The following KCNIP4 variants were observed in gnomAD, a reference collection of about 807,000 sequenced individuals.
The protein encoded by KCNIP4 is Kv channel-interacting protein 4.
Under a neutral mutation model 34.0 loss-of-function variants are expected in KCNIP4, and 12 were observed. The ratio of observed to expected loss-of-function variants is 0.35; its 90% confidence interval spans 0.23 to 0.57. KCNIP4 has a LOEUF of 0.57. Ranked by LOEUF, KCNIP4 falls within the 20% of genes least tolerant of loss-of-function variation. The probability of loss-of-function intolerance (pLI) is 0.83; values close to 1 mark genes in which losing one functional copy is unlikely to be tolerated. For missense variants in KCNIP4, 238 were observed against 311.7 expected, an observed-to-expected ratio of 0.76 and a Z score of 1.78; for synonymous variants, 124 against 102.2, an observed-to-expected ratio of 1.21 and a Z score of -1.29.
At chr4:21,342,929 G>A (rs1716905650) in intron 1 of KCNIP4, among the ~76,000 whole-genome samples, 1 of 152,038 alleles carries the variant, frequency 6.6e-6, no homozygotes, top group South Asian at 2.1e-4. Context: ...TAGAGCTAAG[G>A]AGCCCTAGGT....
At chr4:21,570,729 T>C (rs551063505) in intron 1 of KCNIP4, among the ~76,000 whole-genome samples, 26 of 152,178 alleles carry the variant, frequency 1.7e-4, no homozygotes, top group Admixed American at 3.9e-4. Context: ...TAGTCAAAGT[T>C]ATTATTTTAT....
intron 1 of KCNIP4, among the ~76,000 whole-genome samples, chr4:21,927,183 AT>A (rs1412112014): frequency 2.0e-5 from 3 of 152,156 alleles, no homozygotes; most frequent in East Asian, 3.9e-4. Flanking sequence ...GTAGGAAAGG[AT>A]TTTTACCTAT....
At chr4:21,387,330 G>T (rs1056746162) in intron 1 of KCNIP4, among the ~76,000 whole-genome samples, 1 of 152,060 alleles carries the variant, frequency 6.6e-6, no homozygotes, top group Admixed American at 6.6e-5. Flanking sequence ...ATTTTCATTT[G>T]GTTCAATAAG....
At chr4:21,757,689 T>C (rs1349512162) in intron 1 of KCNIP4, among the ~76,000 whole-genome samples, 1 of 152,240 alleles carries the variant, frequency 6.6e-6, no homozygotes, top group Non-Finnish European at 1.5e-5. Flanking sequence ...CTTCCTTTTT[T>C]GCCCTTGTAA....
chr4:21,303,074 A>G (rs1211042489), intron 1 of KCNIP4, among the ~76,000 whole-genome samples: 4 of 152,228 alleles, frequency 2.6e-5, no homozygotes, highest in Non-Finnish European at 5.9e-5. Context: ...AAATTTACTC[A>G]GATTCCCAGA....
intron 1 of KCNIP4, among the ~76,000 whole-genome samples, chr4:21,522,275 T>A (rs1294476378): frequency 6.6e-6 from 1 of 152,326 alleles, no homozygotes; most frequent in East Asian, 1.9e-4. Context: ...AACCTCTTTA[T>A]GAGAGCTTTC....
chr4:21,106,790 A>G (rs1368946989), intron 1 of KCNIP4, among the ~76,000 whole-genome samples: 1 of 151,090 alleles, frequency 6.6e-6, no homozygotes, highest in Non-Finnish European at 1.5e-5. Flanking sequence ...AGATTCTGGT[A>G]TGTTGTGTCT....
chr4:20,978,274 A>C (rs1157925666), intron 1 of KCNIP4, among the ~76,000 whole-genome samples: 13 of 152,208 alleles, frequency 8.5e-5, no homozygotes, highest in Non-Finnish European at 1.9e-4. Flanking sequence ...CAAAAATCTT[A>C]ATCAATGAAT....
chr4:21,737,541 G>A lies in KCNIP4; in HGVS notation c.61+211030C>T, dbSNP rs932123138. Among the ~76,000 whole-genome samples the A allele has an allele frequency of 5.3e-5, 8 of 151,942 alleles. 1 individual carries two copies. In the South Asian group the frequency reaches 1.7e-3, roughly 32 times the overall value. ...CTAAAATATAACATCATTTATTAAC[G>A]GCTACACAGCTGTCATGTGGTCAAA... On this transcript the variant is annotated intron_variant, in intron 1 of 8. Transcript: ENST00000382152.
chr4:21,122,033 T>C (rs1750204413), intron 1 of KCNIP4, among the ~76,000 whole-genome samples: 1 of 152,158 alleles, frequency 6.6e-6, no homozygotes, highest in African/African-American at 2.4e-5. Context: ...TCATAAAGAG[T>C]TCATTTTTGG....
chr4:20,983,163 TTA>T (rs1203340400), intron 1 of KCNIP4, among the ~76,000 whole-genome samples: 4 of 152,148 alleles, frequency 2.6e-5, no homozygotes, highest in African/African-American at 9.7e-5. Flanking sequence ...AGAGTAAAAT[TTA>T]TGTTAGATGG....
intron 1 of KCNIP4, among the ~76,000 whole-genome samples, chr4:21,042,558 A>G (rs1267328734): frequency 1.3e-5 from 2 of 152,158 alleles, no homozygotes; most frequent in African/African-American, 4.8e-5. Context: ...GATAGTAGGC[A>G]CTTGGTCAAT....
At chr4:21,084,035 C>T (rs548466556) in intron 1 of KCNIP4, among the ~76,000 whole-genome samples, 1 of 151,914 alleles carries the variant, frequency 6.6e-6, no homozygotes, top group African/African-American at 2.4e-5. Flanking sequence ...GAGATATAGC[C>T]TACATTGAAT....
intron 1 of KCNIP4, among the ~76,000 whole-genome samples, chr4:21,677,830 ACCT>A (rs1414254231): frequency 1.3e-5 from 2 of 151,904 alleles, no homozygotes; most frequent in Admixed American, 1.3e-4. Flanking sequence ...GCTCACTGCA[ACCT>A]CCTCCTCCTG....
At chr4:21,879,587 T>A (rs1172279499) in intron 1 of KCNIP4, among the ~76,000 whole-genome samples, 3 of 152,210 alleles carry the variant, frequency 2.0e-5, no homozygotes, top group Non-Finnish European at 4.4e-5. Context: ...TTGCATATTG[T>A]AAAGATGTAG....
intron 1 of KCNIP4, among the ~76,000 whole-genome samples, chr4:21,944,409 G>A (rs1407790767): frequency 6.6e-6 from 1 of 151,614 alleles, no homozygotes; most frequent in Non-Finnish European, 1.5e-5. Context: ...AAAAAAATTA[G>A]TCGGGCATGG....
intron 1 of KCNIP4, among the ~76,000 whole-genome samples, chr4:21,190,211 C>G (rs1459083173): frequency 6.6e-6 from 1 of 152,136 alleles, no homozygotes; most frequent in African/African-American, 2.4e-5. Flanking sequence ...GTATAATCTA[C>G]TAAACAATCT....
At chr4:20,762,338 G>T (rs1435756043) in intron 3 of KCNIP4, among the ~76,000 whole-genome samples, 1 of 152,136 alleles carries the variant, frequency 6.6e-6, no homozygotes, top group Non-Finnish European at 1.5e-5. Flanking sequence ...TGGGGGTTAG[G>T]ATTTCAACAT....
chr4:21,400,565 C>T (rs886254020), intron 1 of KCNIP4, among the ~76,000 whole-genome samples: 4 of 69,624 alleles, frequency 5.7e-5, no homozygotes, highest in African/African-American at 1.9e-4. Flanking sequence ...CTTCTCTTCT[C>T]TTCTCTTCTC....
Sources: allele counts gnomAD v4.1 joint callset (sites outside exome capture counted in the v4.1 genomes callset), GRCh38; gene constraint gnomAD v4.1.1; transcripts MANE v1.5; gene names NCBI Gene and HGNC (gene_info 2026-07-23, HGNC 2026-07-21).